Variants in LARGE1 observed in about 807,000 individuals in gnomAD.
LARGE1 encodes the protein xylosyl- and glucuronyltransferase LARGE1.
LARGE1 carries 43 observed loss-of-function variants against 87.6 expected under a neutral mutation model. The observed-to-expected ratio is 0.49, with a 90% confidence interval of 0.38 to 0.63. The LOEUF (loss-of-function observed/expected upper bound fraction) is 0.63. LARGE1 is among the 30% of genes least tolerant of loss of function. LARGE1 has a pLI of 0.00. For missense variants in LARGE1, 802 were observed against 1,000.2 expected (o/e 0.80, Z 2.67); for synonymous variants, 434 against 394.6 (o/e 1.10, Z -1.18).
chr22:33,332,660 G>A (rs1471313153), intron 10 of LARGE1, among the ~76,000 whole-genome samples: 1 of 152,192 alleles, frequency 6.6e-6, no homozygotes, highest in Non-Finnish European at 1.5e-5. Context: ...CATAGGCTTT[G>A]GGCTGGATCC....
At chr22:33,196,681 G>T (rs1025604095) in intron 11 of LARGE1, among the ~76,000 whole-genome samples, 1 of 151,376 alleles carries the variant, frequency 6.6e-6, no homozygotes, top group Non-Finnish European at 1.5e-5. Flanking sequence ...ATACTAATAA[G>T]AATATTATAA....
intron 1 of LARGE1, among the ~76,000 whole-genome samples, chr22:33,767,996 C>G (rs2084956285): frequency 6.6e-6 from 1 of 152,222 alleles, no homozygotes; most frequent in African/African-American, 2.4e-5. Flanking sequence ...AGCTGGACAT[C>G]ACCGAGGTTT....
Position 33,591,126 on chromosome 22 carries a change from G to A in LARGE1, c.615+13309C>T, listed in dbSNP as rs150454888. Reference sequence around the variant, plus strand: ...TGAGGCAGAAGAATCGCTTGAACCCGCGAGGCGGAGGTTGCAGTGAGCCAA... The same window carrying A: ...TGAGGCAGAAGAATCGCTTGAACCCACGAGGCGGAGGTTGCAGTGAGCCAA... On this transcript the variant is annotated intron_variant, in intron 5 of 14. Coordinates refer to ENST00000397394, the MANE Select transcript of LARGE1 (RefSeq NM_133642.5). Among the ~76,000 whole-genome samples, 745 of 152,324 alleles carry A rather than the reference G, an allele frequency of 4.9e-3. 4 individuals are homozygous for A. The highest frequency in any genetic ancestry group is 0.017 in the African/African-American group (701 of 41,554).
chr22:33,865,035 G>A (rs1469381811), intron 1 of LARGE1, among the ~76,000 whole-genome samples: 1 of 152,206 alleles, frequency 6.6e-6, no homozygotes, highest in Admixed American at 6.5e-5. Context: ...GCCCAGCCCA[G>A]CAGACAGAAC....
At chr22:33,588,014 G>A (rs998713762) in intron 5 of LARGE1, among the ~76,000 whole-genome samples, 3 of 151,994 alleles carry the variant, frequency 2.0e-5, no homozygotes, top group Admixed American at 6.6e-5. Context: ...TTAAGTTATC[G>A]GCCTTCTCTT....
intron 6 of LARGE1, among the ~76,000 whole-genome samples, chr22:33,550,608 G>A (rs921274870): frequency 4.6e-5 from 7 of 152,142 alleles, no homozygotes; most frequent in Non-Finnish European, 7.4e-5. Context: ...CTGTTGGTGG[G>A]AATGTAAATT....
chr22:33,278,553 T>TCTCACACACACACACA (rs1304691630), intron 13 of LARGE1, among the ~76,000 whole-genome samples: 2 of 148,670 alleles, frequency 1.3e-5, no homozygotes, highest in Non-Finnish European at 3.0e-5. Context: ...TCTCTCTCTC[T>TCTCACACACACACACA]CACACACACA....
chr22:33,550,035 T>C (rs1353447654), intron 6 of LARGE1, among the ~76,000 whole-genome samples: 2 of 151,790 alleles, frequency 1.3e-5, no homozygotes, highest in East Asian at 1.9e-4. Flanking sequence ...TTAGGAGAAA[T>C]ACCTAATGTA....
At chr22:33,603,344 C>T (rs1388007770) in intron 5 of LARGE1, among the ~76,000 whole-genome samples, 1 of 152,212 alleles carries the variant, frequency 6.6e-6, no homozygotes. Context: ...CAGTGCATTT[C>T]TGCAAAGTTA....
At chr22:33,805,761 G>GAATAAATA (rs71987559) in intron 1 of LARGE1, among the ~76,000 whole-genome samples, 1 of 125,742 alleles carries the variant, frequency 8.0e-6, no homozygotes, top group African/African-American at 2.5e-5. Context: ...GTAAATAAAT[G>GAATAAATA]AATAAATAAA....
chr22:33,675,347 T>C (rs989584033), intron 2 of LARGE1, among the ~76,000 whole-genome samples: 2 of 132,320 alleles, frequency 1.5e-5, no homozygotes, highest in African/African-American at 5.6e-5. Context: ...TGACCAAGAC[T>C]GGTTCAGGAA....
chr22:33,283,182 C>T lies in LARGE1; in HGVS notation c.1877+20G>A. The T allele has an allele frequency of 6.2e-7, 1 of 1,613,902 alleles. No homozygotes were observed. The highest frequency in any genetic ancestry group is 8.5e-7 in the Non-Finnish European group (1 of 1,180,018). ...AAGGCCTTCGAGCACCCCCAGAGTA[C>T]AGCAGCTAGAGCCACTCACCTGAAT... On this transcript the variant is annotated intron_variant, in intron 13 of 14. Coordinates refer to ENST00000397394, the MANE Select transcript of LARGE1 (RefSeq NM_133642.5).
At chr22:33,819,480 C>T (rs1182151056) in intron 1 of LARGE1, among the ~76,000 whole-genome samples, 2 of 152,110 alleles carry the variant, frequency 1.3e-5, no homozygotes, top group East Asian at 1.9e-4. Context: ...CTGTGGCTAT[C>T]CATCCACAGG....
intron 11 of LARGE1, among the ~76,000 whole-genome samples, chr22:33,314,497 T>A (rs1272592561): frequency 6.6e-6 from 1 of 152,220 alleles, no homozygotes; most frequent in Non-Finnish European, 1.5e-5. Context: ...AGGTGTTTGT[T>A]CTTTCATCAG....
chr22:33,107,510 G>A, the LARGE1 span, among the ~76,000 whole-genome samples: 2 of 151,834 alleles, frequency 1.3e-5, no homozygotes, highest in African/African-American at 2.4e-5. Flanking sequence ...ATCCACGTTC[G>A]CACCACTGCA....
chr22:33,355,392 C>G (rs1053076297), intron 9 of LARGE1, among the ~76,000 whole-genome samples: 1 of 152,120 alleles, frequency 6.6e-6, no homozygotes. Flanking sequence ...GTCTTCAAAC[C>G]CTTGCATACA....
intron 6 of LARGE1, among the ~76,000 whole-genome samples, chr22:33,464,085 C>T (rs2068490345): frequency 6.6e-6 from 1 of 152,110 alleles, no homozygotes; most frequent in Non-Finnish European, 1.5e-5. Flanking sequence ...ATAATCTAAA[C>T]ACAATGTAGT....
chr22:33,572,172 A>G (rs1569280562), intron 5 of LARGE1: 1 of 1,283,892 alleles, frequency 7.8e-7, no homozygotes, highest in South Asian at 1.3e-5. Flanking sequence ...TGTGGATTAC[A>G]AATCACCTTG....
intron 1 of LARGE1, among the ~76,000 whole-genome samples, chr22:33,823,724 TAGTG>T (rs1399364409): frequency 6.6e-6 from 1 of 152,126 alleles, no homozygotes; most frequent in African/African-American, 2.4e-5. Flanking sequence ...TCCCCATAGA[TAGTG>T]AGGAATTTTC....
Sources: gnomAD v4.1 joint callset for allele counts (sites outside exome capture counted in the v4.1 genomes callset) on GRCh38, gnomAD v4.1.1 for gene constraint, MANE v1.5 for transcripts, NCBI Gene and HGNC (gene_info 2026-07-23, HGNC 2026-07-21) for gene names.